Variants in IARS2 observed in about 807,000 individuals in gnomAD.
IARS2 encodes isoleucine--tRNA ligase, mitochondrial.
IARS2 carries 56 observed loss-of-function variants against 126.3 expected under a neutral mutation model. The ratio of observed to expected loss-of-function variants is 0.44; its 90% CI spans 0.36 to 0.55. The LOEUF is 0.55. Ranked by LOEUF, IARS2 falls within the 20% of genes least tolerant of loss-of-function variation. IARS2 has a pLI of 0.00. For missense variants in IARS2, 1,127 were observed against 1,245.9 expected, an observed-to-expected ratio of 0.90 and a Z score of 1.44; for synonymous variants, 407 against 441.1, an observed-to-expected ratio of 0.92 and a Z score of 0.97.
intron 12 of IARS2, among the ~76,000 whole-genome samples, chr1:220,122,126 T>TA (rs1657063332): frequency 1.3e-5 from 2 of 152,168 alleles, no homozygotes; most frequent in African/African-American, 4.8e-5. Flanking sequence ...ATAAAATGGA[T>TA]ATGTTTCATC....
At chr1:220,123,811 T>A (rs1387395933) in intron 12 of IARS2, among the ~76,000 whole-genome samples, 2 of 152,226 alleles carry the variant, frequency 1.3e-5, no homozygotes, top group Non-Finnish European at 2.9e-5. Flanking sequence ...CATTTGATTT[T>A]GCTTTCCACA....
rs751099655 is a variant in IARS2, at chr1:220,102,691, T to A, written c.864T>A (p.Gly288=). 1 of 1,611,064 alleles carries A rather than the reference T, an allele frequency of 6.2e-7. No individual in the cohort carries two copies. Among genetic ancestry groups the A allele is most frequent in the Non-Finnish European group, 8.5e-7 (1 of 1,177,178 alleles). The part of the protein sequence containing the change: ...PSPKLASLID[G]SSPVSILVWT... ...TTTACAATTGTATTTTCACAGATGG[T>A]TCATCTCCTGTTAGTATTTTGGTCT... The change falls in exon 7 of 23, where the codon GGT becomes GGA. Residue 288 remains glycine, a synonymous_variant. Coordinates refer to ENST00000366922, the MANE Select transcript of IARS2 (RefSeq NM_018060.4).
intron 17 of IARS2, 136 bp downstream of exon 17, chr1:220,138,179 A>G (rs1216487086): frequency 6.8e-6 from 7 of 1,034,264 alleles, no homozygotes; most frequent in Non-Finnish European, 9.9e-6. Context: ...GATTTTAAGA[A>G]TCTCCTGTGT....
chr1:220,142,552 T>C (rs1200057710), intron 20 of IARS2, among the ~76,000 whole-genome samples: 1 of 152,208 alleles, frequency 6.6e-6, no homozygotes. Context: ...ATATAGTGCT[T>C]TTAGTGAGTT....
intron 3 of IARS2, 40 bp from the exon 4 acceptor site, chr1:220,102,089 T>C: frequency 6.4e-7 from 1 of 1,551,110 alleles, no homozygotes; most frequent in African/African-American, 1.4e-5. Flanking sequence ...GAATTCGAAT[T>C]CATTGGTTTT....
chr1:220,114,192 G>A (rs1247652584), intron 11 of IARS2, 122 bp from the exon 12 acceptor site: 1 of 790,728 alleles, frequency 1.3e-6, no homozygotes, highest in African/African-American at 1.7e-5. Flanking sequence ...TGAGGGGAGG[G>A]TAAGGGAGGT....
At position 220,105,895 on chromosome 1, in the gene IARS2, A is replaced by G; in HGVS notation, c.1071A>G (p.Val357=). 3 of 1,613,788 alleles carry G rather than the reference A, an allele frequency of 1.9e-6. No individual in the cohort carries two copies. Among genetic ancestry groups the G allele is most frequent in the Non-Finnish European group, 2.5e-6 (3 of 1,179,690 alleles). ...TFETISTLSG[V]DLENGTCSHP... The stretch of plus-strand genomic sequence containing the variant: ...AGTGGTTTTCTTTCCCCACAGGTGT[A>G]GATTTGGAAAATGGTACTTGCAGTC... Residue 357 remains valine (V), a synonymous_variant, in exon 9 of 23, where the codon GTA becomes GTG. Transcript: ENST00000366922.
intron 12 of IARS2, chr1:220,118,266 G>C: frequency 2.2e-6 from 1 of 446,354 alleles, no homozygotes; most frequent in South Asian, 1.7e-5. Context: ...GATTCCTTTT[G>C]CTCATCATGG....
chr1:220,111,027 G>A, intron 11 of IARS2, 90 bp downstream of exon 11: 1 of 1,175,644 alleles, frequency 8.5e-7, no homozygotes, highest in East Asian at 2.4e-5. Flanking sequence ...GGTTTCAGGA[G>A]TAATAGGGAT....
At chr1:220,143,845 C>CT in intron 21 of IARS2, 2 of 596,236 alleles carry the variant, frequency 3.4e-6, no homozygotes, top group South Asian at 4.3e-5. Flanking sequence ...TGGCTTATAG[C>CT]TTAACATAAT....
chr1:220,131,599 G>A (rs954383991), intron 14 of IARS2, among the ~76,000 whole-genome samples: 4 of 151,950 alleles, frequency 2.6e-5, no homozygotes, highest in African/African-American at 4.8e-5. Context: ...CGATCTGTCC[G>A]CCTAAGCCTC....
At chr1:220,108,510 C>T (rs952051063) in intron 10 of IARS2, among the ~76,000 whole-genome samples, 3 of 151,734 alleles carry the variant, frequency 2.0e-5, no homozygotes, top group Non-Finnish European at 4.4e-5. Flanking sequence ...CTCAGTCTCT[C>T]GAGTAGCTGG....
chr1:220,095,256 C>T (rs1656414302), intron 1 of IARS2, among the ~76,000 whole-genome samples: 1 of 152,116 alleles, frequency 6.6e-6, no homozygotes. Flanking sequence ...CCAGGGTGGT[C>T]TCTAACTCCT....
intron 14 of IARS2, among the ~76,000 whole-genome samples, chr1:220,128,867 A>G (rs752592023): frequency 2.0e-5 from 3 of 151,280 alleles, no homozygotes; most frequent in Non-Finnish European, 2.9e-5. Flanking sequence ...ATTAAAATCT[A>G]TCTGATAGAG....
rs554220208 is a variant in IARS2 at position 220,109,543 on chromosome 1, T to C, written c.1328-1243T>C. Reference sequence around the variant, plus strand: ...GTTTTGTACATAAGCTATTTAAGATTTCTCTAGCATTAACTGATATTAAGC... The same window carrying C: ...GTTTTGTACATAAGCTATTTAAGATCTCTCTAGCATTAACTGATATTAAGC... On this transcript the variant is annotated intron_variant, in intron 10 of 22. Coordinates refer to ENST00000366922, the MANE Select transcript of IARS2 (RefSeq NM_018060.4). 3.3e-5 allele frequency among the ~76,000 whole-genome samples: 5 copies of C among 152,340 alleles called. No homozygotes were observed. In the East Asian group the frequency reaches 5.8e-4, roughly 18 times the overall value.
chr1:220,134,761 TGTTG>T, intron 15 of IARS2: 1 of 264,698 alleles, frequency 3.8e-6, no homozygotes, highest in Non-Finnish European at 7.1e-6. Flanking sequence ...AGTTCTTTGT[TGTTG>T]TTGTTTTTTT....
chr1:220,113,752 C>T (rs915848997), intron 11 of IARS2, among the ~76,000 whole-genome samples: 21 of 151,906 alleles, frequency 1.4e-4, no homozygotes, highest in African/African-American at 4.1e-4. Flanking sequence ...TCAAGTGATC[C>T]TCCCACCTCA....
chr1:220,145,473 T>C (rs770715071), intron 21 of IARS2, 36 bp from the exon 22 acceptor site: 2 of 1,569,100 alleles, frequency 1.3e-6, no homozygotes, highest in Admixed American at 3.8e-5. Flanking sequence ...GGTACAAATT[T>C]AACATAAACT....
intron 12 of IARS2, among the ~76,000 whole-genome samples, chr1:220,122,977 C>A (rs73098512): frequency 0.053 from 7,774 of 147,842 alleles, 246 homozygotes; most frequent in East Asian, 0.11. Flanking sequence ...TAGAATTATT[C>A]TTTTTTAATG....
Sources: gnomAD v4.1 joint callset for allele counts (sites outside exome capture counted in the v4.1 genomes callset) on GRCh38, gnomAD v4.1.1 for gene constraint, MANE v1.5 for transcripts, NCBI Gene and HGNC (gene_info 2026-07-23, HGNC 2026-07-21) for gene names.